The following COL21A1 variants were observed in gnomAD, a reference collection of about 807,000 sequenced individuals.
The protein encoded by COL21A1 is collagen type XXI alpha 1 chain.
Under a neutral mutation model 137.9 loss-of-function variants are expected in COL21A1, and 149 were observed. The ratio of observed to expected loss-of-function variants is 1.08; its 90% confidence interval spans 0.95 to 1.24. The LOEUF (loss-of-function observed/expected upper bound fraction) is 1.24, where lower values mean the gene tolerates loss of function less well. Among genes scored for constraint, COL21A1 ranks in the 50% most tolerant of loss-of-function variants. The probability of loss-of-function intolerance (pLI) is 0.00; values close to 1 mark genes in which losing one functional copy is unlikely to be tolerated. For missense variants in COL21A1, 1,167 were observed against 1,158.4 expected (o/e 1.01, Z -0.11); for synonymous variants, 456 against 391.5 (o/e 1.16, Z -1.95).
At chr6:56,073,137 G>A (rs1043545200) in intron 20 of COL21A1, among the ~76,000 whole-genome samples, 3 of 151,272 alleles carry the variant, frequency 2.0e-5, no homozygotes, top group Admixed American at 6.6e-5. Flanking sequence ...ATTTTAGGCT[G>A]CATTCTTAAG....
intron 1 of COL21A1, among the ~76,000 whole-genome samples, chr6:56,298,973 A>G (rs146987345): frequency 6.6e-6 from 1 of 152,268 alleles, no homozygotes; most frequent in African/African-American, 2.4e-5. Context: ...ACAAATTTCT[A>G]CACAATCACA....
Position 56,168,283 on chromosome 6 carries a change from T to A in COL21A1, c.1041A>T (p.Glu347Asp). ...CTAAGAGACGAATTTGGTGCCAGCC[T>A]TCATCAAACAACGTCTACAAAAAGA... The part of the protein sequence containing the change: ...ANPQVKTLFD[E>D]GWHQIRLLVT... Residue 347 changes from glutamate (E) to aspartate (D), a missense_variant, in exon 6 of 30, where the codon GAA becomes GAT. Transcript: ENST00000244728. The A allele has an allele frequency of 6.5e-7, 1 of 1,540,064 alleles. No homozygotes were observed.
At chr6:56,077,468 T>C in intron 18 of COL21A1, 61 bp downstream of exon 18, 2 of 1,042,736 alleles carry the variant, frequency 1.9e-6, no homozygotes, top group Non-Finnish European at 2.9e-6. Context: ...TATTTTATTG[T>C]AGACAACAAT....
intron 1 of COL21A1, among the ~76,000 whole-genome samples, chr6:56,271,332 G>T (rs1262664602): frequency 6.6e-6 from 1 of 152,178 alleles, no homozygotes; most frequent in Non-Finnish European, 1.5e-5. Context: ...ATCTGGCAAA[G>T]AAATTTCCAA....
At chr6:56,074,983 G>GC (rs1031635237) in intron 19 of COL21A1, among the ~76,000 whole-genome samples, 2 of 143,644 alleles carry the variant, frequency 1.4e-5, no homozygotes, top group African/African-American at 2.8e-5. Flanking sequence ...TTAAAATTTG[G>GC]GGGGGGATTC....
chr6:56,234,379 A>G (rs1228963225), intron 1 of COL21A1, among the ~76,000 whole-genome samples: 2 of 151,836 alleles, frequency 1.3e-5, no homozygotes, highest in East Asian at 3.9e-4. Flanking sequence ...CAGGATCAAA[A>G]AGGAATATTT....
At chr6:56,182,779 C>T in intron 1 of COL21A1, 123 bp from the exon 2 acceptor site, 1 of 570,372 alleles carries the variant, frequency 1.8e-6, no homozygotes, top group African/African-American at 1.9e-5. Flanking sequence ...TTAGAATTAA[C>T]TTAAATCTGT....
At chr6:56,183,515 G>C (rs1778051304) in intron 1 of COL21A1, among the ~76,000 whole-genome samples, 1 of 152,186 alleles carries the variant, frequency 6.6e-6, no homozygotes, top group Non-Finnish European at 1.5e-5. Context: ...TCATTCAGCA[G>C]TTCCTTCTGG....
chr6:56,059,234 C>T lies in COL21A1; in HGVS notation c.2617G>A (p.Gly873Arg), dbSNP rs779738631. The part of the protein sequence containing the change: ...PGVRGLKGLP[G>R]RNGEKGSQGF... ...TGGCTCCCTTTTTCCCCATTTCTTC[C>T]TGGTAGGCCTGCAGGGTGTCAAACA... The change falls in exon 29 of 30, where the codon GGA (glycine) becomes AGA (arginine). Residue 873 changes from glycine (G) to arginine (R), a missense_variant. By Grantham distance (125) the Gly-to-Arg change is moderately radical (BLOSUM62 -2). Coordinates refer to ENST00000244728, the MANE Select transcript of COL21A1 (RefSeq NM_030820.4). 6.2e-7 allele frequency: 1 copy of T among 1,604,502 alleles called. No homozygotes were observed. Among genetic ancestry groups the T allele is most frequent in the African/African-American group, 1.3e-5 (1 of 74,390 alleles).
In COL21A1 at chr6:56,260,968, A is replaced by C. The variant is rs192376833; in HGVS notation, c.-38-78312T>G. ...ACAAACTTCTTGATTCTTTTCTTAC[A>C]TATTCAAGTCTAATAAATATATTTA... On this transcript the variant is annotated intron_variant, in intron 1 of 28. Transcript: ENST00000370819. 7.0e-4 allele frequency among the ~76,000 whole-genome samples: 106 copies of C among 151,952 alleles called. No individual in the cohort carries two copies. The East Asian group carries it at 0.019, about 27-fold the overall frequency.
At chr6:56,317,567 T>G (rs999281448) in intron 1 of COL21A1, among the ~76,000 whole-genome samples, 1 of 152,106 alleles carries the variant, frequency 6.6e-6, no homozygotes, top group Admixed American at 6.6e-5. Flanking sequence ...TTGACCACCT[T>G]CCTCTCCTCA....
chr6:56,109,635 T>G (rs533677465), intron 16 of COL21A1, among the ~76,000 whole-genome samples: 3 of 151,970 alleles, frequency 2.0e-5, no homozygotes, highest in African/African-American at 7.2e-5. Context: ...ATTTCAATTG[T>G]AAAGTATCAA....
At chr6:56,180,165 T>C in intron 2 of COL21A1, 36 bp from the exon 3 acceptor site, 3 of 1,519,658 alleles carry the variant, frequency 2.0e-6, no homozygotes, top group Non-Finnish European at 2.7e-6. Context: ...GCACATCTTT[T>C]ATATAAAAAG....
chr6:56,120,578 C>A (rs1245745639), intron 16 of COL21A1, among the ~76,000 whole-genome samples: 1 of 152,028 alleles, frequency 6.6e-6, no homozygotes, highest in Non-Finnish European at 1.5e-5. Flanking sequence ...GGGTGGATCG[C>A]CTGAGGTCAG....
intron 1 of COL21A1, among the ~76,000 whole-genome samples, chr6:56,329,821 C>T (rs565530041): frequency 2.0e-5 from 3 of 152,204 alleles, no homozygotes; most frequent in African/African-American, 7.2e-5. Flanking sequence ...TGATTCTTAG[C>T]ATAGTCTAGA....
At position 56,170,662 on chromosome 6, in the gene COL21A1, T is replaced by C; in HGVS notation, c.1013A>G (p.Asn338Ser). The C allele has an allele frequency of 6.3e-7, 1 of 1,592,934 alleles. No individual in the cohort carries two copies. The highest frequency in any genetic ancestry group is 1.7e-5 in the Admixed American group (1 of 57,364). ...AGGCATCTTTACCTTAACTTGAGGG[T>C]TAGCAAAGGTAACCACTTGTGAGCC... is the stretch of plus-strand genomic sequence containing the variant. ...INGSQVVTFA[N>S]PQVKTLFDEG... Residue 338 changes from asparagine to serine, a missense_variant, in exon 5 of 30, where the codon AAC (asparagine) becomes AGC (serine). By Grantham distance (46) the Asn-to-Ser change is conservative. Coordinates refer to ENST00000244728, the MANE Select transcript of COL21A1 (RefSeq NM_030820.4).
At chr6:56,387,416 G>C (rs1742372166) in intron 1 of COL21A1, among the ~76,000 whole-genome samples, 2 of 151,926 alleles carry the variant, frequency 1.3e-5, no homozygotes, top group Admixed American at 1.3e-4. Flanking sequence ...ACATCTAATT[G>C]AACAACTATC....
chr6:56,323,842 G>T (rs957766832), intron 1 of COL21A1, among the ~76,000 whole-genome samples: 2 of 152,046 alleles, frequency 1.3e-5, no homozygotes, highest in Non-Finnish European at 2.9e-5. Context: ...TTACTATGAT[G>T]TAGCCTGAAG....
intron 1 of COL21A1, among the ~76,000 whole-genome samples, chr6:56,212,901 C>G (rs1210286000): frequency 6.6e-6 from 1 of 151,896 alleles, no homozygotes; most frequent in Non-Finnish European, 1.5e-5. Flanking sequence ...GGTACCTATG[C>G]TGCAAATGAA....
Sources: allele counts gnomAD v4.1 joint callset (sites outside exome capture counted in the v4.1 genomes callset), GRCh38; gene constraint gnomAD v4.1.1; transcripts MANE v1.5; gene names NCBI Gene and HGNC (gene_info 2026-07-23, HGNC 2026-07-21).